The following R3HDM1 variants were observed in gnomAD, a reference collection of about 807,000 sequenced individuals.
The protein encoded by R3HDM1 is R3H domain containing 1, also known as R3H domain-containing protein 1.
A neutral mutation model predicts 141.1 loss-of-function variants in R3HDM1; 46 were observed. That is an observed-to-expected ratio of 0.33 (90% CI 0.26 to 0.42). The LOEUF (loss-of-function observed/expected upper bound fraction) is 0.42, where lower values mean the gene tolerates loss of function less well. R3HDM1 is among the 10% of genes least tolerant of loss of function. The pLI is 1.00. For missense variants in R3HDM1, 1,184 were observed against 1,368.3 expected (o/e 0.87, Z 2.12); for synonymous variants, 435 against 472.9 (o/e 0.92, Z 1.04).
At chr2:135,719,223 C>T (rs982252516) in intron 24 of R3HDM1, among the ~76,000 whole-genome samples, 1 of 151,790 alleles carries the variant, frequency 6.6e-6, no homozygotes, top group Non-Finnish European at 1.5e-5. Flanking sequence ...AAACAGTATG[C>T]GTCATACAGT....
At chr2:135,683,731 T>G (rs1013579754) in intron 21 of R3HDM1, among the ~76,000 whole-genome samples, 1 of 152,116 alleles carries the variant, frequency 6.6e-6, no homozygotes, top group African/African-American at 2.4e-5. Context: ...AACCATCACT[T>G]AAGAAGTCAA....
intron 19 of R3HDM1, chr2:135,667,150 T>TTAA (rs2067645291): frequency 3.2e-5 from 31 of 966,038 alleles, no homozygotes; most frequent in Non-Finnish European, 3.6e-5. Context: ...AATCAGCCTG[T>TTAA]TAATGCCTGT....
intron 22 of R3HDM1, 85 bp downstream of exon 22, chr2:135,709,621 T>G: frequency 6.6e-7 from 1 of 1,509,808 alleles, no homozygotes. Flanking sequence ...TACAAAAAGC[T>G]TCTCAATTTG....
intron 23 of R3HDM1, among the ~76,000 whole-genome samples, chr2:135,711,295 G>T (rs2075596620): frequency 2.0e-5 from 3 of 152,186 alleles, no homozygotes; most frequent in Admixed American, 1.3e-4. Flanking sequence ...AGCTTGGTCT[G>T]TTATACATTA....
intron 1 of R3HDM1, among the ~76,000 whole-genome samples, chr2:135,559,963 A>G (rs549665419): frequency 7.9e-5 from 12 of 152,366 alleles, no homozygotes; most frequent in African/African-American, 2.6e-4. Context: ...CACTATCATC[A>G]TGTATAATTC....
intron 7 of R3HDM1, among the ~76,000 whole-genome samples, chr2:135,624,089 A>T (rs539490978): frequency 6.6e-6 from 1 of 152,296 alleles, no homozygotes; most frequent in East Asian, 1.9e-4. Context: ...GCATGTGGCA[A>T]GTTATTCTAG....
chr2:135,703,200 A>G (rs1403801671), intron 21 of R3HDM1, among the ~76,000 whole-genome samples: 3 of 152,224 alleles, frequency 2.0e-5, no homozygotes, highest in African/African-American at 4.8e-5. Flanking sequence ...AAGTACTTAA[A>G]AAGTTCAGAG....
chr2:135,639,268 G>A, intron 14 of R3HDM1, 146 bp downstream of exon 14: 1 of 683,466 alleles, frequency 1.5e-6, no homozygotes, highest in East Asian at 2.8e-5. Flanking sequence ...AGCACTTAAG[G>A]GGTAATATGT....
chr2:135,592,034 T>A lies in R3HDM1; in HGVS notation c.-249-10466T>A, dbSNP rs929686128. Among the ~76,000 whole-genome samples, 4 of 152,196 alleles carry A rather than the reference T, an allele frequency of 2.6e-5. No homozygotes were observed. The East Asian group carries it at 7.7e-4, about 29-fold the overall frequency. ...CATTACATTGGCATGATTAATTGAA[T>A]CATTGGCCATGCAATTGAATTCAAT... On this transcript the variant is annotated intron_variant, in intron 1 of 26. Coordinates refer to ENST00000683871, the MANE Select transcript of R3HDM1 (RefSeq NM_001378107.1).
At chr2:135,602,468 T>C in intron 1 of R3HDM1, 32 bp from the exon 2 acceptor site, 1 of 1,229,714 alleles carries the variant, frequency 8.1e-7, no homozygotes, top group Non-Finnish European at 1.0e-6. Context: ...TTGGCCATTT[T>C]GTTAAAATGG....
At chr2:135,533,452 G>A (rs1695364336) in intron 1 of R3HDM1, among the ~76,000 whole-genome samples, 1 of 152,222 alleles carries the variant, frequency 6.6e-6, no homozygotes, top group Non-Finnish European at 1.5e-5. Flanking sequence ...TAGAGAAAGA[G>A]CTGTTGAAAA....
intron 14 of R3HDM1, among the ~76,000 whole-genome samples, chr2:135,639,413 A>G (rs972868774): frequency 6.6e-6 from 1 of 152,360 alleles, no homozygotes; most frequent in South Asian, 2.1e-4. Flanking sequence ...TTGAATGCCC[A>G]TAGGTAATTG....
At chr2:135,552,234 C>T (rs1699967210) in intron 1 of R3HDM1, among the ~76,000 whole-genome samples, 1 of 151,932 alleles carries the variant, frequency 6.6e-6, no homozygotes, top group African/African-American at 2.4e-5. Context: ...CTTGCTCTCT[C>T]ACCCAGGCTG....
chr2:135,655,480 CT>C (rs917886251), intron 18 of R3HDM1, among the ~76,000 whole-genome samples: 8 of 150,970 alleles, frequency 5.3e-5, no homozygotes, highest in African/African-American at 1.7e-4. Context: ...TTTTCTTTTT[CT>C]TTTTTTTGTT....
chr2:135,719,062 C>T (rs889601364), intron 24 of R3HDM1, among the ~76,000 whole-genome samples: 6 of 152,008 alleles, frequency 3.9e-5, no homozygotes, highest in African/African-American at 1.2e-4. Flanking sequence ...GCAGGAGAAT[C>T]GCTTGAACCC....
intron 21 of R3HDM1, 35 bp from the exon 22 acceptor site, chr2:135,709,398 C>T: frequency 6.2e-7 from 1 of 1,612,124 alleles, no homozygotes; most frequent in Non-Finnish European, 8.5e-7. Flanking sequence ...TAGTCATCCT[C>T]CTCTCATTAT....
chr2:135,712,603 G>A (rs2075777199), intron 23 of R3HDM1, among the ~76,000 whole-genome samples: 1 of 151,852 alleles, frequency 6.6e-6, no homozygotes, highest in African/African-American at 2.4e-5. Flanking sequence ...GATACAGGTT[G>A]GGCATGGTGG....
rs1344311194 is a variant in R3HDM1, at chr2:135,604,988, A to G, written c.143A>G (p.His48Arg). 4 of 1,608,752 alleles carry G rather than the reference A, an allele frequency of 2.5e-6. No homozygotes were observed. The highest frequency in any genetic ancestry group is 3.4e-6 in the Non-Finnish European group (4 of 1,175,920). The change falls in exon 3 of 27, where the codon CAT (histidine) becomes CGT (arginine). Residue 48 changes from histidine (H) to arginine (R), a missense_variant. Transcript: ENST00000683871. ...AAGATTTTGGTAGAGAAGAATGAAC[A>G]TTGTATTGAGAACAATATAGATTTG... is the stretch of plus-strand genomic sequence containing the variant. ...YGKILVEKNE[H>R]CIENNIDLQR... is the part of the protein sequence containing the mutation.
intron 9 of R3HDM1, among the ~76,000 whole-genome samples, chr2:135,634,649 A>T (rs1250741538): frequency 6.6e-6 from 1 of 152,148 alleles, no homozygotes; most frequent in Non-Finnish European, 1.5e-5. Flanking sequence ...GTCTCTAAAA[A>T]ATTTTTTTAA....
Sources: allele counts gnomAD v4.1 joint callset (sites outside exome capture counted in the v4.1 genomes callset), GRCh38; gene constraint gnomAD v4.1.1; transcripts MANE v1.5; gene names NCBI Gene and HGNC (gene_info 2026-07-23, HGNC 2026-07-21).